RRP7A: variants seen among roughly 807,000 people sequenced by gnomAD.
RRP7A encodes ribosomal RNA-processing protein 7 homolog A.
In RRP7A, 27 loss-of-function variants were observed where a neutral mutation model predicts 38.4. The ratio of observed to expected loss-of-function variants is 0.70; its 90% CI spans 0.52 to 0.97. The LOEUF is 0.97. RRP7A is among the 50% of genes least tolerant of loss of function. The pLI is 0.00. For missense variants in RRP7A, 327 were observed against 375.4 expected (o/e 0.87, Z 1.07); for synonymous variants, 124 against 150.3 (o/e 0.83, Z 1.28).
At chr22:42,513,824 C>T (rs1920923319) in intron 6 of RRP7A, among the ~76,000 whole-genome samples, 1 of 152,166 alleles carries the variant, frequency 6.6e-6, no homozygotes, top group African/African-American at 2.4e-5. Flanking sequence ...TGACGAGCGC[C>T]AGCACTAAGT....
In RRP7A at chr22:42,512,164, G is replaced by A; in HGVS notation, c.*746C>T. On this transcript the variant is annotated 3_prime_UTR_variant, in exon 7 of 7. Transcript: ENST00000323013. ...CCAGGCAATCACTGTGTCCACATGA[G>A]CGAACCCCAGCACGTGGCCAGTATC... The A allele has an allele frequency of 6.3e-7, 1 of 1,590,374 alleles. No individual in the cohort carries two copies. Among genetic ancestry groups the A allele is most frequent in the Non-Finnish European group, 8.6e-7 (1 of 1,158,088 alleles).
At chr22:42,517,946 G>A in intron 2 of RRP7A, 59 bp downstream of exon 2, 1 of 1,579,412 alleles carries the variant, frequency 6.3e-7, no homozygotes, top group Admixed American at 1.8e-5. Context: ...ACTTGGTGGA[G>A]GCCATGGGAG....
chr22:42,519,356 A>G (rs1920940899), intron 1 of RRP7A, among the ~76,000 whole-genome samples: 1 of 152,004 alleles, frequency 6.6e-6, no homozygotes, highest in Non-Finnish European at 1.5e-5. Flanking sequence ...CAGCCCAGGT[A>G]AGAGCTGATG....
Position 42,516,049 on chromosome 22 carries a change from C to G in RRP7A, c.304G>C (p.Glu102Gln). The change falls in exon 3 of 7, where the codon GAG (glutamate) becomes CAG (glutamine). Residue 102 changes from glutamate (E) to glutamine (Q), a missense_variant. By Grantham distance (29) the Glu-to-Gln change is conservative. Around this residue, in one of 5 missense-constraint regions of RRP7A, gnomAD observed 183 missense variants for 141.8 expected, o/e 1.29. Coordinates refer to ENST00000323013, the MANE Select transcript of RRP7A (RefSeq NM_015703.5). ...GGATGAAAAAACTTCGACCTTGACT[C>G]CTTTGGGCTCTCAGCCAGGTCCGGC... ...EKPDLAESPKESRSKFFHPKP... is the reference protein window; with the variant it reads ...EKPDLAESPKQSRSKFFHPKP... 6.2e-7 allele frequency: 1 copy of G among 1,611,956 alleles called. No homozygotes were observed. Among genetic ancestry groups the G allele is most frequent in the Non-Finnish European group, 8.5e-7 (1 of 1,178,850 alleles).
rs376913857 is a variant in RRP7A, at chr22:42,512,901, T to C, written c.*9A>G. 2.6e-4 allele frequency: 422 copies of C among 1,611,898 alleles called. 3 individuals carry two copies. In the African/African-American group the frequency reaches 4.7e-3, roughly 18 times the overall value. On this transcript the variant is annotated 3_prime_UTR_variant, in exon 7 of 7. Transcript: ENST00000323013. The stretch of plus-strand genomic sequence containing the variant: ...TGCACCTCCAGCCATTCACTGCGGC[T>C]CTCACAGCTCAGTACGGTCGGAATT...
Position 42,515,909 on chromosome 22 carries a change from G to A in RRP7A, c.342+102C>T, listed in dbSNP as rs1601807255. 7.8e-6 allele frequency: 11 copies of A among 1,403,520 alleles called. No homozygotes were observed. The East Asian group carries it at 2.6e-4, about 33-fold the overall frequency. The allele number at this position is 1,403,520 out of a possible 1,614,324, so 86.9% of individuals were successfully genotyped here. A position where few individuals can be genotyped will look rare whatever the true frequency, so the allele number is the denominator to read the frequency against. On this transcript the variant is annotated intron_variant, in intron 3 of 6. Coordinates refer to ENST00000323013, the MANE Select transcript of RRP7A (RefSeq NM_015703.5). ...CCACACACGGTGAGGATGGGCTCAG[G>A]ACCAGAGAATGCTCTGATGTCCCAC...
At position 42,511,981 on chromosome 22, in the gene RRP7A, T is replaced by G; in HGVS notation, c.*929A>C. On this transcript the variant is annotated 3_prime_UTR_variant, in exon 7 of 7. Coordinates refer to ENST00000323013, the MANE Select transcript of RRP7A (RefSeq NM_015703.5). Reference sequence around the variant, plus strand: ...TGTCGGGGCTCCAAGGAGCCGAGTGTGGGGGAAACTCACTGTGGGAGGCGC... The same window carrying G: ...TGTCGGGGCTCCAAGGAGCCGAGTGGGGGGGAAACTCACTGTGGGAGGCGC... The G allele has an allele frequency of 7.2e-6, 5 of 699,006 alleles. No individual in the cohort carries two copies. The highest frequency in any genetic ancestry group is 5.0e-5 in the East Asian group (2 of 40,356). 43.3% of individuals were successfully genotyped at this position (699,006 alleles called of 1,614,324 possible).
chr22:42,519,513 G>A (rs1267050062), intron 1 of RRP7A, among the ~76,000 whole-genome samples: 34 of 152,106 alleles, frequency 2.2e-4, no homozygotes, highest in Admixed American at 1.5e-3. Flanking sequence ...GGCTCGCCCC[G>A]GGAGAGTGAG....
rs1348309247 is a variant in RRP7A at position 42,512,625 on chromosome 22, C to T, written c.*285G>A. The stretch of plus-strand genomic sequence containing the variant: ...CATTGAGGGAAAAGGAAGCACAGAA[C>T]GGATTCATCCAGGGTCCTGGAGAGG... On this transcript the variant is annotated 3_prime_UTR_variant, in exon 7 of 7. Transcript: ENST00000323013. 8.4e-5 allele frequency: 48 copies of T among 571,386 alleles called. No individual in the cohort carries two copies. In the East Asian group the frequency reaches 1.1e-3, roughly 13 times the overall value. 35.4% of individuals were successfully genotyped at this position (571,386 alleles called of 1,614,324 possible). A position where few individuals can be genotyped will look rare whatever the true frequency, so the allele number is the denominator to read the frequency against.
rs55911635 is a variant in RRP7A, at chr22:42,515,930, C to T, written c.342+81G>A. ...TCAGGACCAGAGAATGCTCTGATGT[C>T]CCACTGCCAGCTCCCCCAACACACT... On this transcript the variant is annotated intron_variant, in intron 3 of 6. Transcript: ENST00000323013. The T allele has an allele frequency of 8.3e-3, 12,385 of 1,486,078 alleles. 655 individuals carry two copies. The African/African-American group carries it at 0.14, about 17-fold the overall frequency. The allele number at this position is 1,486,078 out of a possible 1,614,324, so 92.1% of individuals were successfully genotyped here. A position where few individuals can be genotyped will look rare whatever the true frequency, so the allele number is the denominator to read the frequency against.
chr22:42,511,267 C>A lies in RRP7A; in HGVS notation c.*1643G>T, dbSNP rs1932451895. On this transcript the variant is annotated 3_prime_UTR_variant, in exon 7 of 7. Coordinates refer to ENST00000323013, the MANE Select transcript of RRP7A (RefSeq NM_015703.5). ...TCTCAGCTTACTGTAACCTCCACCT[C>A]CCGGGTTCAAGCGACTCTCGTGCCT... The A allele has an allele frequency of 6.6e-6, 1 of 152,210 alleles. No homozygotes were observed. The highest frequency in any genetic ancestry group is 6.6e-5 in the Admixed American group (1 of 15,266). 9.4% of individuals were successfully genotyped at this position (152,210 alleles called of 1,614,324 possible). A position where few individuals can be genotyped will look rare whatever the true frequency, so the allele number is the denominator to read the frequency against.
chr22:42,518,606 C>G (rs773590684), intron 1 of RRP7A: 23 of 467,218 alleles, frequency 4.9e-5, no homozygotes, highest in Non-Finnish European at 9.4e-5. Flanking sequence ...TCTTCCCTCC[C>G]GCTCACCTCA....
intron 3 of RRP7A, among the ~76,000 whole-genome samples, chr22:42,515,764 T>G (rs1194625927): frequency 6.6e-6 from 1 of 151,944 alleles, no homozygotes; most frequent in Non-Finnish European, 1.5e-5. Flanking sequence ...GCCCTGCAGG[T>G]GGCCAGCAGA....
Position 42,510,757 on chromosome 22 carries a change from C to T in RRP7A, c.*2153G>A, listed in dbSNP as rs188762316. 6 of 1,472,066 alleles carry T rather than the reference C, an allele frequency of 4.1e-6. No homozygotes were observed. Among genetic ancestry groups the T allele is most frequent in the East Asian group, 2.7e-5 (1 of 37,056 alleles). 91.2% of individuals were successfully genotyped at this position (1,472,066 alleles called of 1,614,324 possible). ...GGGGCTCAGGCAGCTGGTGTCCAGC[C>T]ACTGTCGCCCACTCTGGTCCCACCT... is the stretch of plus-strand genomic sequence containing the variant. On this transcript the variant is annotated 3_prime_UTR_variant, in exon 7 of 7. Coordinates refer to ENST00000323013, the MANE Select transcript of RRP7A (RefSeq NM_015703.5).
Position 42,519,679 on chromosome 22 carries a change from G to T in RRP7A, c.73+35C>A. ...CCCCAAACACCTCCCGGCGATGCCT[G>T]ACCGCCCCCGGTCTCGCGTCCCGGA... On this transcript the variant is annotated intron_variant, in intron 1 of 6. Coordinates refer to ENST00000323013, the MANE Select transcript of RRP7A (RefSeq NM_015703.5). 3 of 1,434,486 alleles carry T rather than the reference G, an allele frequency of 2.1e-6. No individual in the cohort carries two copies. The South Asian group carries it at 4.1e-5, about 20-fold the overall frequency. 88.9% of individuals were successfully genotyped at this position (1,434,486 alleles called of 1,614,324 possible). A position where few individuals can be genotyped will look rare whatever the true frequency, so the allele number is the denominator to read the frequency against.
Position 42,509,126 on chromosome 22 carries a change from T to G in RRP7A, c.*3784A>C. On this transcript the variant is annotated 3_prime_UTR_variant, in exon 7 of 7. Transcript: ENST00000323013. ...TGTTGATCAAGTGAGTCTGGACCCA[T>G]CCCCTTCAGTCACCCCCCAAGGAGA... 1 of 1,613,976 alleles carries G rather than the reference T, an allele frequency of 6.2e-7. No individual in the cohort carries two copies. The highest frequency in any genetic ancestry group is 8.5e-7 in the Non-Finnish European group (1 of 1,179,890).
rs369147796 is a variant in RRP7A, at chr22:42,512,905, A to G, written c.*5T>C. On this transcript the variant is annotated 3_prime_UTR_variant, in exon 7 of 7. Transcript: ENST00000323013. The stretch of plus-strand genomic sequence containing the variant: ...CCTCCAGCCATTCACTGCGGCTCTC[A>G]CAGCTCAGTACGGTCGGAATTTGCG... 3 of 1,611,376 alleles carry G rather than the reference A, an allele frequency of 1.9e-6. No homozygotes were observed. The highest frequency in any genetic ancestry group is 2.5e-6 in the Non-Finnish European group (3 of 1,178,452).
rs377097253 is a variant in RRP7A at position 42,510,487 on chromosome 22, A to G, written c.*2423T>C. 109 of 356,708 alleles carry G rather than the reference A, an allele frequency of 3.1e-4. 1 individual carries two copies. Among genetic ancestry groups the G allele is most frequent in the African/African-American group, 2.0e-3 (93 of 46,824 alleles). The allele number at this position is 356,708 out of a possible 1,614,324, so 22.1% of individuals were successfully genotyped here. A position where few individuals can be genotyped will look rare whatever the true frequency, so the allele number is the denominator to read the frequency against. On this transcript the variant is annotated 3_prime_UTR_variant, in exon 7 of 7. Coordinates refer to ENST00000323013, the MANE Select transcript of RRP7A (RefSeq NM_015703.5). ...ATTAACTGAGCCTCAAATCCAACCC[A>G]GGGTCAAGGGACCCAGCTGTGGGAG...
Position 42,508,517 on chromosome 22 carries a change from A to T in RRP7A, c.*4393T>A, listed in dbSNP as rs892888304. Reference sequence around the variant, plus strand: ...CATCCAGACGTAAAACAGTCACAAGACAGGGCAGGCAGGGCCGCGGAGGAG... The same window carrying T: ...CATCCAGACGTAAAACAGTCACAAGTCAGGGCAGGCAGGGCCGCGGAGGAG... On this transcript the variant is annotated 3_prime_UTR_variant, in exon 7 of 7. Transcript: ENST00000323013. 1.3e-5 allele frequency among the ~76,000 whole-genome samples: 2 copies of T among 152,164 alleles called. No individual in the cohort carries two copies. The highest frequency in any genetic ancestry group is 2.9e-5 in the Non-Finnish European group (2 of 68,028).
Sources: allele counts gnomAD v4.1 joint callset (sites outside exome capture counted in the v4.1 genomes callset), GRCh38; gene constraint gnomAD v4.1.1; regional missense constraint gnomAD v4.1.1; transcripts MANE v1.5; gene names NCBI Gene and HGNC (gene_info 2026-07-23, HGNC 2026-07-21).